Variants in SPATA18 observed in about 807,000 individuals in gnomAD.
SPATA18 encodes spermatogenesis associated 18, also known as mitochondria-eating protein.
Under a neutral mutation model 68.1 loss-of-function variants are expected in SPATA18, and 54 were observed. That is an observed-to-expected ratio of 0.79 (90% CI 0.64 to 0.99). The LOEUF (loss-of-function observed/expected upper bound fraction) is 0.99. Among genes scored for constraint, SPATA18 ranks in the 50% least tolerant of loss-of-function variants. SPATA18 has a pLI of 0.00. For synonymous variants in SPATA18, 242 were observed against 244.8 expected (o/e 0.99, Z 0.11); for missense variants, 724 against 681.1 (o/e 1.06, Z -0.70).
At chr4:52,070,853 T>G (rs1451742408) in intron 5 of SPATA18, among the ~76,000 whole-genome samples, 1 of 150,728 alleles carries the variant, frequency 6.6e-6, no homozygotes, top group Admixed American at 6.6e-5. Flanking sequence ...GATCTTAATT[T>G]TGATCTCCCC....
Position 52,079,845 on chromosome 4 carries a change from C to T in SPATA18, c.1281C>T (p.Ala427=). ...SDFIQEICCI[A]FAMQALEPPL... Reference sequence around the variant, plus strand: ...TCATCCAGGAGATATGTTGCATTGCCTTTGCAATGCAGGCCTTAGAACCAC... The same window carrying T: ...TCATCCAGGAGATATGTTGCATTGCTTTTGCAATGCAGGCCTTAGAACCAC... The change falls in exon 9 of 13, where the codon GCC becomes GCT. Residue 427 remains alanine, a synonymous_variant. Transcript: ENST00000295213. The T allele has an allele frequency of 6.2e-7, 1 of 1,613,856 alleles. No individual in the cohort carries two copies. The highest frequency in any genetic ancestry group is 8.5e-7 in the Non-Finnish European group (1 of 1,179,796).
At chr4:52,077,145 G>A in intron 7 of SPATA18, 105 bp downstream of exon 7, 1 of 1,256,174 alleles carries the variant, frequency 8.0e-7, no homozygotes, top group South Asian at 1.6e-5. Context: ...TGAGGTCACT[G>A]AAGTGGGGGA....
chr4:52,090,980 G>T (rs1000841878), intron 11 of SPATA18, among the ~76,000 whole-genome samples: 9 of 151,882 alleles, frequency 5.9e-5, no homozygotes, highest in African/African-American at 1.9e-4. Flanking sequence ...TGGAGGCTTT[G>T]TTTGTTCCTT....
At chr4:52,079,093 G>A (rs1448210272) in intron 8 of SPATA18, among the ~76,000 whole-genome samples, 200 bp downstream of exon 8, 1 of 152,178 alleles carries the variant, frequency 6.6e-6, no homozygotes, top group Admixed American at 6.5e-5. Flanking sequence ...GGGAAAAAAT[G>A]TCTGAGTTTC....
In SPATA18 at chr4:52,084,973, C is replaced by A; in HGVS notation, c.1537C>A (p.Pro513Thr). Residue 513 changes from proline to threonine, a missense_variant, in exon 11 of 13, where the codon CCC becomes ACC. Coordinates refer to ENST00000295213, the MANE Select transcript of SPATA18 (RefSeq NM_145263.4). ...CRSRSLSPIC[P>T]RSQIGLNTMS... Reference sequence around the variant, plus strand: ...AAGCAGGAGTTTAAGTCCCATTTGCCCCCGTAGCCAAATTGGTTTAAACAC... The same window carrying A: ...AAGCAGGAGTTTAAGTCCCATTTGCACCCGTAGCCAAATTGGTTTAAACAC... 6.2e-7 allele frequency: 1 copy of A among 1,613,778 alleles called. No homozygotes were observed. The highest frequency in any genetic ancestry group is 8.5e-7 in the Non-Finnish European group (1 of 1,179,892).
At chr4:52,076,694 C>G (rs759642476) in intron 6 of SPATA18, 85 bp from the exon 7 acceptor site, 4 of 1,563,460 alleles carry the variant, frequency 2.6e-6, no homozygotes, top group Non-Finnish European at 3.5e-6. Flanking sequence ...TCCGGATGGT[C>G]GGATTCATTG....
Position 52,062,304 on chromosome 4 carries a change from C to A in SPATA18, c.394C>A (p.Arg132=). The change falls in exon 4 of 13, where the codon CGG becomes AGG. Residue 132 remains arginine (R), a synonymous_variant. Transcript: ENST00000295213. ...GTTAGACTCTAATTTGAACTCAACC[C>A]GGAGTCAATGCAACCAGGTTCAAGA... The part of the protein sequence containing the change: ...QQLDSNLNST[R]SQCNQVQDDL... The A allele has an allele frequency of 6.2e-7, 1 of 1,609,990 alleles. No individual in the cohort carries two copies. Among genetic ancestry groups the A allele is most frequent in the Non-Finnish European group, 8.5e-7 (1 of 1,177,646 alleles).
intron 1 of SPATA18, among the ~76,000 whole-genome samples, chr4:52,055,858 C>T (rs1460815451): frequency 5.3e-5 from 8 of 152,088 alleles, no homozygotes; most frequent in South Asian, 2.1e-4. Context: ...CATTTATTTT[C>T]GTGTTTATCT....
intron 1 of SPATA18, among the ~76,000 whole-genome samples, chr4:52,059,643 G>A (rs1159388456): frequency 1.3e-5 from 2 of 152,194 alleles, no homozygotes; most frequent in South Asian, 2.1e-4. Context: ...TGGACTCTTG[G>A]GTAGAGCTTG....
At chr4:52,053,225 C>T (rs1018087407) in intron 1 of SPATA18, among the ~76,000 whole-genome samples, 2 of 152,080 alleles carry the variant, frequency 1.3e-5, no homozygotes, top group Non-Finnish European at 2.9e-5. Flanking sequence ...TTAGAAACTC[C>T]CTGTAAGTGA....
At chr4:52,093,374 T>A (rs1319009227) in intron 11 of SPATA18, among the ~76,000 whole-genome samples, 1 of 152,060 alleles carries the variant, frequency 6.6e-6, no homozygotes, top group Non-Finnish European at 1.5e-5. Context: ...TGGGTGGAAT[T>A]TCAATGGGCT....
rs907271628 is a variant in SPATA18, at chr4:52,068,422, A to G, written c.423-1399A>G. On this transcript the variant is annotated intron_variant, in intron 4 of 12. Coordinates refer to ENST00000295213, the MANE Select transcript of SPATA18 (RefSeq NM_145263.4). Reference sequence around the variant, plus strand: ...TAAAATTATTGCCCTCAAATAGTTTATAGTGTGAATGCAATGAGGTAAATG... The same window carrying G: ...TAAAATTATTGCCCTCAAATAGTTTGTAGTGTGAATGCAATGAGGTAAATG... Among the ~76,000 whole-genome samples, 5 of 152,342 alleles carry G rather than the reference A, an allele frequency of 3.3e-5. 1 individual carries two copies. The highest frequency in any genetic ancestry group is 1.9e-4 in the East Asian group (1 of 5,184).
At position 52,079,859 on chromosome 4, in the gene SPATA18, C is replaced by T. The variant is rs751697348; in HGVS notation, c.1295C>T (p.Ala432Val). The T allele has an allele frequency of 1.9e-6, 3 of 1,614,000 alleles. No homozygotes were observed. The highest frequency in any genetic ancestry group is 1.1e-5 in the South Asian group (1 of 91,062). ...EICCIAFAMQ[A>V]LEPPLDIAYG... ...TGTTGCATTGCCTTTGCAATGCAGG[C>T]CTTAGAACCACCCCTAGATATTGCA... is the stretch of plus-strand genomic sequence containing the variant. The change falls in exon 9 of 13, where the codon GCC becomes GTC. Residue 432 changes from alanine (A) to valine (V), a missense_variant. Physicochemically the swap from Ala to Val is moderately conservative, Grantham distance 64 (BLOSUM62 0). Coordinates refer to ENST00000295213, the MANE Select transcript of SPATA18 (RefSeq NM_145263.4).
intron 4 of SPATA18, among the ~76,000 whole-genome samples, chr4:52,067,152 G>T (rs528595234): frequency 1.3e-5 from 2 of 152,018 alleles, no homozygotes; most frequent in Non-Finnish European, 2.9e-5. Context: ...TTGCAGCCTC[G>T]CCAGCATCTG....
At chr4:52,060,955 A>C in intron 3 of SPATA18, 58 bp downstream of exon 3, 1 of 1,375,576 alleles carries the variant, frequency 7.3e-7, no homozygotes, top group East Asian at 2.3e-5. Context: ...AACGAATCAG[A>C]AACCTCCAAG....
chr4:52,092,718 C>G (rs1742085809), intron 11 of SPATA18, among the ~76,000 whole-genome samples: 1 of 152,234 alleles, frequency 6.6e-6, no homozygotes, highest in East Asian at 1.9e-4. Context: ...CCTGCATGCT[C>G]CTTATCATAC....
intron 10 of SPATA18, among the ~76,000 whole-genome samples, chr4:52,083,960 C>T (rs1333043049): frequency 2.0e-5 from 3 of 150,996 alleles, no homozygotes; most frequent in Non-Finnish European, 4.4e-5. Flanking sequence ...AGGCTGGTCT[C>T]AAACTCCTGA....
At chr4:52,089,488 G>A (rs771561463) in intron 11 of SPATA18, among the ~76,000 whole-genome samples, 38 of 152,104 alleles carry the variant, frequency 2.5e-4, no homozygotes, top group East Asian at 3.9e-4. Flanking sequence ...AGTTGTCTTC[G>A]TTCTCATTGG....
Position 52,076,864 on chromosome 4 carries a change from A to G in SPATA18, c.844A>G (p.Lys282Glu). The stretch of plus-strand genomic sequence containing the variant: ...ATCTGCCAGCCCCTCCACCGCTGTC[A>G]AGGTCAGGAGACCGTCCCCAAACCG... The part of the protein sequence containing the change: ...SRSASPSTAV[K>E]VRRPSPNRSK... Residue 282 changes from lysine to glutamate, a missense_variant, in exon 7 of 13, where the codon AAG becomes GAG. Transcript: ENST00000295213. 6.2e-7 allele frequency: 1 copy of G among 1,614,208 alleles called. No homozygotes were observed.
Sources: allele counts gnomAD v4.1 joint callset (sites outside exome capture counted in the v4.1 genomes callset), GRCh38; gene constraint gnomAD v4.1.1; transcripts MANE v1.5; gene names NCBI Gene and HGNC (gene_info 2026-07-23, HGNC 2026-07-21).